FSTL4: variants seen among roughly 807,000 people sequenced by gnomAD.
The protein encoded by FSTL4 is follistatin-related protein 4.
FSTL4 carries 28 observed loss-of-function variants against 78.2 expected under a neutral mutation model. The ratio of observed to expected loss-of-function variants is 0.36; its 90% confidence interval spans 0.27 to 0.49. FSTL4 has a LOEUF of 0.49. Among genes scored for constraint, FSTL4 ranks in the 20% least tolerant of loss-of-function variants. The pLI is 0.98. For missense variants in FSTL4, 922 were observed against 1,084.9 expected, an observed-to-expected ratio of 0.85 and a Z score of 2.11; for synonymous variants, 422 against 440.5, an observed-to-expected ratio of 0.96 and a Z score of 0.53.
chr5:133,571,902 A>G (rs1654250200), intron 2 of FSTL4, among the ~76,000 whole-genome samples: 1 of 152,228 alleles, frequency 6.6e-6, no homozygotes, highest in African/African-American at 2.4e-5. Flanking sequence ...GAGACACTGT[A>G]ACATCATGAA....
intron 7 of FSTL4, among the ~76,000 whole-genome samples, chr5:133,234,642 C>T (rs1437900911): frequency 6.6e-6 from 1 of 152,154 alleles, no homozygotes; most frequent in East Asian, 1.9e-4. Flanking sequence ...ACAGAGAAGG[C>T]CCAGGCTCAC....
chr5:133,301,190 C>A (rs1177229579), intron 6 of FSTL4, among the ~76,000 whole-genome samples: 1 of 152,150 alleles, frequency 6.6e-6, no homozygotes, highest in African/African-American at 2.4e-5. Flanking sequence ...GGGGAAGACA[C>A]AAAGACTCCA....
chr5:133,292,386 T>C (rs551591862), intron 6 of FSTL4, among the ~76,000 whole-genome samples: 1 of 152,198 alleles, frequency 6.6e-6, no homozygotes, highest in Non-Finnish European at 1.5e-5. Flanking sequence ...CCAGTCCTCC[T>C]GCCTCTACAT....
At chr5:133,326,072 G>C (rs1204194422) in intron 4 of FSTL4, among the ~76,000 whole-genome samples, 3 of 152,230 alleles carry the variant, frequency 2.0e-5, no homozygotes, top group Non-Finnish European at 2.9e-5. Flanking sequence ...GCTGCGCAAA[G>C]AACAAGCAGG....
the FSTL4 span, among the ~76,000 whole-genome samples, chr5:133,787,574 C>T: frequency 6.6e-6 from 1 of 151,598 alleles, no homozygotes; most frequent in South Asian, 2.1e-4. Flanking sequence ...CGCCCCCACC[C>T]CCAGTCCCAC....
chr5:133,628,877 G>A, the FSTL4 span, among the ~76,000 whole-genome samples: 1 of 148,244 alleles, frequency 6.7e-6, no homozygotes, highest in African/African-American at 2.5e-5. Context: ...GGAGATTTTG[G>A]GCTGAGACAA....
chr5:133,651,395 T>G, the FSTL4 span, among the ~76,000 whole-genome samples: 98 of 152,268 alleles, frequency 6.4e-4, no homozygotes, highest in African/African-American at 2.1e-3. Context: ...TTTATCAAGT[T>G]GAGGAAGTTC....
At chr5:133,271,127 GT>G (rs1003175748) in intron 6 of FSTL4, among the ~76,000 whole-genome samples, 2 of 152,218 alleles carry the variant, frequency 1.3e-5, no homozygotes, top group African/African-American at 4.8e-5. Flanking sequence ...AGTCTCCTGG[GT>G]AACTGTGGGA....
At chr5:133,518,647 G>A (rs1187324563) in intron 3 of FSTL4, among the ~76,000 whole-genome samples, 1 of 152,160 alleles carries the variant, frequency 6.6e-6, no homozygotes, top group Non-Finnish European at 1.5e-5. Flanking sequence ...TCTATGTTAA[G>A]GACAAAATTA....
At chr5:133,325,315 G>A (rs763614453) in intron 4 of FSTL4, among the ~76,000 whole-genome samples, 5 of 152,214 alleles carry the variant, frequency 3.3e-5, no homozygotes, top group African/African-American at 9.6e-5. Flanking sequence ...CTTGGGGACA[G>A]CTTTATACAC....
chr5:133,629,787 G>T, the FSTL4 span, among the ~76,000 whole-genome samples: 1 of 152,142 alleles, frequency 6.6e-6, no homozygotes, highest in Non-Finnish European at 1.5e-5. Flanking sequence ...ACATCAAAAA[G>T]CTTATCCACC....
At chr5:133,458,118 GC>G (rs1296485494) in intron 3 of FSTL4, 1 of 152,160 alleles carries the variant, frequency 6.6e-6, no homozygotes, top group African/African-American at 2.4e-5. Context: ...AGCTTTTGCG[GC>G]AAAGATATGA....
At chr5:133,738,859 G>A in the FSTL4 span, among the ~76,000 whole-genome samples, 2 of 152,106 alleles carry the variant, frequency 1.3e-5, no homozygotes, top group Non-Finnish European at 2.9e-5. Context: ...CTTCAACAAG[G>A]CACCAGAGCC....
At chr5:133,760,785 A>G in the FSTL4 span, among the ~76,000 whole-genome samples, 1 of 152,326 alleles carries the variant, frequency 6.6e-6, no homozygotes, top group Non-Finnish European at 1.5e-5. Flanking sequence ...AGCAAGAAAA[A>G]TGAATATCTC....
intron 3 of FSTL4, among the ~76,000 whole-genome samples, chr5:133,445,587 C>T (rs1488173816): frequency 6.6e-6 from 1 of 152,186 alleles, no homozygotes; most frequent in Non-Finnish European, 1.5e-5. Flanking sequence ...GGATGAAGCG[C>T]CACTCCTGGG....
chr5:133,520,373 G>A (rs1758952670), intron 3 of FSTL4, among the ~76,000 whole-genome samples: 1 of 151,804 alleles, frequency 6.6e-6, no homozygotes, highest in Non-Finnish European at 1.5e-5. Context: ...ACCACGGAGG[G>A]CTGTGGGGAG....
intron 4 of FSTL4, among the ~76,000 whole-genome samples, chr5:133,395,401 C>T (rs547184945): frequency 6.6e-6 from 1 of 152,144 alleles, no homozygotes; most frequent in African/African-American, 2.4e-5. Flanking sequence ...AGCGAGACCA[C>T]GAACCCACCA....
At chr5:133,401,447 T>C (rs1756221740) in intron 3 of FSTL4, among the ~76,000 whole-genome samples, 1 of 152,214 alleles carries the variant, frequency 6.6e-6, no homozygotes, top group Non-Finnish European at 1.5e-5. Flanking sequence ...TTAAAATCAA[T>C]GACTTTTTAA....
At chr5:133,395,201 TTG>T (rs148484497) in intron 4 of FSTL4, among the ~76,000 whole-genome samples, 2,582 of 152,196 alleles carry the variant, frequency 0.017, 48 homozygotes, top group South Asian at 0.095. Flanking sequence ...CGTGGAAGCT[TTG>T]TTCTTTCGCT....
Sources: allele counts gnomAD v4.1 joint callset (sites outside exome capture counted in the v4.1 genomes callset), GRCh38; gene constraint gnomAD v4.1.1; transcripts MANE v1.5; gene names NCBI Gene and HGNC (gene_info 2026-07-23, HGNC 2026-07-21).